Variants in KATNA1 observed in about 807,000 individuals in gnomAD.
KATNA1 encodes the protein katanin catalytic subunit A1.
Under a neutral mutation model 62.6 loss-of-function variants are expected in KATNA1, and 42 were observed. The observed-to-expected ratio is 0.67, with a 90% CI of 0.52 to 0.87. The LOEUF (loss-of-function observed/expected upper bound fraction) is 0.87. Among genes scored for constraint, KATNA1 ranks in the 40% least tolerant of loss-of-function variants. The pLI is 0.00. For synonymous variants in KATNA1, 186 were observed against 201.9 expected, an observed-to-expected ratio of 0.92 and a Z score of 0.67; for missense variants, 498 against 612.5, an observed-to-expected ratio of 0.81 and a Z score of 1.97.
At position 149,647,544 on chromosome 6, in the gene KATNA1, AAAAG is replaced by A. The variant is rs1177876576; in HGVS notation, c.-14+921_-14+924del. Among the ~76,000 whole-genome samples, 62 of 151,096 alleles carry A rather than the reference AAAAG, an allele frequency of 4.1e-4. 2 individuals are homozygous for A. Among genetic ancestry groups the A allele is most frequent in the East Asian group, 2.3e-3 (12 of 5,154 alleles). On this transcript the variant is annotated intron_variant, in intron 1 of 10. Transcript: ENST00000367411. The stretch of plus-strand genomic sequence containing the variant: ...CTCAAAAAAAAAAAAAAAAAAAAAA[AAAAG>A]AACAAAACCCAGCTCTTTTGGAAAA...
intron 4 of KATNA1, among the ~76,000 whole-genome samples, chr6:149,618,270 G>C (rs1470473220): frequency 6.6e-6 from 1 of 151,710 alleles, no homozygotes; most frequent in Non-Finnish European, 1.5e-5. Context: ...CTGAGGTCAG[G>C]AGTTCAAGAC....
Position 149,604,623 on chromosome 6 carries a change from T to C in KATNA1, c.623+38A>G, listed in dbSNP as rs903512309. ...GCTCCATTTTCCATTCCGAATAGCATCACCAGCACCCAATTATTTGGTTGT... is the reference window on the plus strand; with the variant it reads ...GCTCCATTTTCCATTCCGAATAGCACCACCAGCACCCAATTATTTGGTTGT... On this transcript the variant is annotated intron_variant, in intron 5 of 10. Transcript: ENST00000367411. 5.6e-6 allele frequency: 9 copies of C among 1,610,268 alleles called. No individual in the cohort carries two copies. The African/African-American group carries it at 1.2e-4, about 22-fold the overall frequency.
In KATNA1 at chr6:149,632,923, T is replaced by C; in HGVS notation, c.163-7A>G. ...CATTTATTTCCTGCCAAACCTGATTTCAAAGAAGAAGATGGATGTTTAAAT... is the reference window on the plus strand; with the variant it reads ...CATTTATTTCCTGCCAAACCTGATTCCAAAGAAGAAGATGGATGTTTAAAT... On this transcript the variant is annotated splice_region_variant and splice_polypyrimidine_tract_variant and intron_variant, in intron 2 of 10. Transcript: ENST00000367411. 4 of 1,595,866 alleles carry C rather than the reference T, an allele frequency of 2.5e-6. No homozygotes were observed. Among genetic ancestry groups the C allele is most frequent in the East Asian group, 2.3e-5 (1 of 44,170 alleles).
intron 3 of KATNA1, among the ~76,000 whole-genome samples, chr6:149,630,893 A>G (rs908654349): frequency 2.0e-5 from 3 of 152,218 alleles, no homozygotes; most frequent in African/African-American, 7.2e-5. Context: ...TCATTATTAT[A>G]AAACACAATA....
At chr6:149,604,072 CT>C (rs777176903) in intron 5 of KATNA1, among the ~76,000 whole-genome samples, 1 of 152,134 alleles carries the variant, frequency 6.6e-6, no homozygotes, top group Non-Finnish European at 1.5e-5. Context: ...CATTACAGAT[CT>C]TTGATTACAT....
At chr6:149,605,101 A>T (rs1296729113) in intron 4 of KATNA1, among the ~76,000 whole-genome samples, 1 of 151,916 alleles carries the variant, frequency 6.6e-6, no homozygotes, top group Non-Finnish European at 1.5e-5. Flanking sequence ...TGAACCCGGG[A>T]GGCAGAGCTT....
At chr6:149,620,394 C>G (rs1258563198) in intron 4 of KATNA1, among the ~76,000 whole-genome samples, 1 of 152,110 alleles carries the variant, frequency 6.6e-6, no homozygotes, top group Admixed American at 6.5e-5. Flanking sequence ...CAGGCTCAAG[C>G]AATCCTCCTG....
At chr6:149,642,926 C>T (rs1409981862) in intron 1 of KATNA1, among the ~76,000 whole-genome samples, 1 of 152,178 alleles carries the variant, frequency 6.6e-6, no homozygotes, top group Non-Finnish European at 1.5e-5. Flanking sequence ...TCTAAGATGG[C>T]ACTCAATGAC....
At chr6:149,602,001 C>G (rs1409340890) in intron 6 of KATNA1, among the ~76,000 whole-genome samples, 2 of 152,202 alleles carry the variant, frequency 1.3e-5, no homozygotes, top group Admixed American at 1.3e-4. Flanking sequence ...AGCACCCTAA[C>G]AGAGGTACCA....
At position 149,623,292 on chromosome 6, in the gene KATNA1, AC is replaced by A; in HGVS notation, c.321-10del. On this transcript the variant is annotated splice_polypyrimidine_tract_variant and intron_variant, in intron 3 of 10. Transcript: ENST00000367411. ...TAGGTCCTGGTGAGGGTCTAATCAA[AC>A]AAAAACTCATTAATATCATAATCAA... 6.4e-7 allele frequency: 1 copy of A among 1,572,206 alleles called. No individual in the cohort carries two copies. Among genetic ancestry groups the A allele is most frequent in the Non-Finnish European group, 8.6e-7 (1 of 1,164,734 alleles).
chr6:149,641,435 C>A (rs572255782), intron 1 of KATNA1, among the ~76,000 whole-genome samples: 2 of 152,098 alleles, frequency 1.3e-5, no homozygotes, highest in South Asian at 2.1e-4. Flanking sequence ...CTAGGCCTCC[C>A]AGAGTGCTGG....
At position 149,623,598 on chromosome 6, in the gene KATNA1, C is replaced by G. The variant is rs546601824; in HGVS notation, c.321-315G>C. Among the ~76,000 whole-genome samples the G allele has an allele frequency of 2.0e-5, 3 of 151,970 alleles. No individual in the cohort carries two copies. The East Asian group carries it at 5.8e-4, about 29-fold the overall frequency. On this transcript the variant is annotated intron_variant, in intron 3 of 10. Transcript: ENST00000367411. ...CTAAAAATACAAAAAATTAGCCAGG[C>G]GTGGTGGTGTGCACCTGTAATCCCA...
At chr6:149,620,626 A>C (rs1004334024) in intron 4 of KATNA1, among the ~76,000 whole-genome samples, 2 of 152,140 alleles carry the variant, frequency 1.3e-5, no homozygotes, top group Non-Finnish European at 2.9e-5. Context: ...CTTATGGTAC[A>C]TTTTCAAATA....
chr6:149,611,782 G>A (rs760264995), intron 4 of KATNA1, among the ~76,000 whole-genome samples: 7 of 151,664 alleles, frequency 4.6e-5, no homozygotes, highest in African/African-American at 7.3e-5. Flanking sequence ...GGTGGATCAC[G>A]AGGTCAGGAG....
intron 4 of KATNA1, among the ~76,000 whole-genome samples, chr6:149,622,290 G>A (rs1779431052): frequency 6.6e-6 from 1 of 151,846 alleles, no homozygotes; most frequent in Non-Finnish European, 1.5e-5. Flanking sequence ...CCGCCACCAC[G>A]GCTAATTTTT....
At chr6:149,642,796 C>A (rs1562304998) in intron 1 of KATNA1, among the ~76,000 whole-genome samples, 1 of 151,962 alleles carries the variant, frequency 6.6e-6, no homozygotes, top group Admixed American at 6.6e-5. Context: ...ATTAGAGAGT[C>A]TATGGAAGGT....
intron 2 of KATNA1, among the ~76,000 whole-genome samples, chr6:149,633,415 C>G (rs1779932406): frequency 6.6e-6 from 1 of 151,892 alleles, no homozygotes; most frequent in Non-Finnish European, 1.5e-5. Context: ...CCCTCAATTG[C>G]AAAATTAATT....
At chr6:149,600,806 G>A (rs1778513121) in intron 7 of KATNA1, among the ~76,000 whole-genome samples, 1 of 150,944 alleles carries the variant, frequency 6.6e-6, no homozygotes, top group South Asian at 2.1e-4. Context: ...GCTGAGTGTG[G>A]TGGCTCATGT....
chr6:149,629,408 T>G (rs1779750374), intron 3 of KATNA1, among the ~76,000 whole-genome samples: 1 of 152,118 alleles, frequency 6.6e-6, no homozygotes, highest in Admixed American at 6.6e-5. Context: ...AGCCCTCACC[T>G]GGAACCAAAT....
Sources: gnomAD v4.1 joint callset for allele counts (sites outside exome capture counted in the v4.1 genomes callset) on GRCh38, gnomAD v4.1.1 for gene constraint, MANE v1.5 for transcripts, NCBI Gene and HGNC (gene_info 2026-07-23, HGNC 2026-07-21) for gene names.